SGCD: variants seen among roughly 807,000 people sequenced by gnomAD.
The protein encoded by SGCD is delta-sarcoglycan.
In SGCD, 18 loss-of-function variants were observed where a neutral mutation model predicts 36.6. That is an observed-to-expected ratio of 0.49 (90% confidence interval 0.34 to 0.73). The LOEUF (loss-of-function observed/expected upper bound fraction) is 0.73, where lower values mean the gene tolerates loss of function less well. Among genes scored for constraint, SGCD ranks in the 30% least tolerant of loss-of-function variants. The pLI, the probability that SGCD is intolerant of heterozygous loss-of-function variation, is 0.01. For synonymous variants in SGCD, 133 were observed against 130.6 expected, an observed-to-expected ratio of 1.02 and a Z score of -0.12; for missense variants, 387 against 346.7, an observed-to-expected ratio of 1.12 and a Z score of -0.92.
chr5:155,907,330 C>T (rs959023164), intron 1 of SGCD, among the ~76,000 whole-genome samples: 3 of 152,082 alleles, frequency 2.0e-5, no homozygotes, highest in Non-Finnish European at 2.9e-5. Flanking sequence ...CCTGCTAACA[C>T]AACATTAATT....
rs79595232 is a variant in SGCD at position 156,130,593 on chromosome 5, G to A, written c.-44+6574G>A. On this transcript the variant is annotated intron_variant, in intron 3 of 9. Coordinates refer to the SGCD transcript ENST00000517913. ...CTATGTCCAGAATGGTATTGCCTAA[G>A]TTGTATGACTCCATCTTTATTCCAG... is the stretch of plus-strand genomic sequence containing the variant. Among the ~76,000 whole-genome samples the A allele has an allele frequency of 8.7e-4, 133 of 152,224 alleles. 3 individuals are homozygous for A. The East Asian group carries it at 0.025, about 29-fold the overall frequency.
intron 3 of SGCD, among the ~76,000 whole-genome samples, chr5:156,410,045 A>T (rs1203713686): frequency 6.6e-6 from 1 of 152,216 alleles, no homozygotes; most frequent in East Asian, 1.9e-4. Context: ...TGATAGCTGA[A>T]TAATTTCAAT....
At chr5:156,406,793 T>TAC (rs1410785649) in intron 3 of SGCD, among the ~76,000 whole-genome samples, 1 of 69,460 alleles carries the variant, frequency 1.4e-5, no homozygotes, top group East Asian at 5.5e-4. Context: ...GGAGATTTTA[T>TAC]ATATATATAT....
chr5:156,287,153 G>A (rs1002417082), intron 3 of SGCD, among the ~76,000 whole-genome samples: 5 of 152,214 alleles, frequency 3.3e-5, no homozygotes, highest in East Asian at 3.9e-4. Context: ...TAGTACATGG[G>A]CTATTATAAT....
chr5:156,652,547 A>G (rs1425105556), intron 7 of SGCD, among the ~76,000 whole-genome samples: 2 of 152,090 alleles, frequency 1.3e-5, no homozygotes, highest in African/African-American at 4.8e-5. Flanking sequence ...GTTAACCAAG[A>G]GAGATAATTT....
At chr5:156,081,508 C>G (rs888544009) in intron 1 of SGCD, among the ~76,000 whole-genome samples, 3 of 152,178 alleles carry the variant, frequency 2.0e-5, no homozygotes, top group Non-Finnish European at 4.4e-5. Context: ...TTCCTCCTGC[C>G]TCAGCCTCCT....
At chr5:156,283,755 A>G (rs1271130216) in intron 3 of SGCD, among the ~76,000 whole-genome samples, 1 of 152,212 alleles carries the variant, frequency 6.6e-6, no homozygotes, top group Non-Finnish European at 1.5e-5. Context: ...ATCTGGGGTT[A>G]TGCCCAAGAA....
intron 1 of SGCD, among the ~76,000 whole-genome samples, chr5:156,040,818 G>C (rs918385167): frequency 2.0e-5 from 3 of 152,122 alleles, no homozygotes; most frequent in Non-Finnish European, 2.9e-5. Context: ...TTAGGGCTTT[G>C]AAAATCCTCT....
intron 1 of SGCD, among the ~76,000 whole-genome samples, chr5:155,901,647 A>G (rs2113339275): frequency 6.6e-6 from 1 of 152,078 alleles, no homozygotes; most frequent in African/African-American, 2.4e-5. Context: ...AAAAAAAGTT[A>G]CCTTTAGTTT....
chr5:156,023,420 A>G (rs1336721155), intron 1 of SGCD, among the ~76,000 whole-genome samples: 1 of 152,240 alleles, frequency 6.6e-6, no homozygotes, highest in Non-Finnish European at 1.5e-5. Context: ...GGGCTCTGAG[A>G]GTTCAGGAAC....
the SGCD span, among the ~76,000 whole-genome samples, chr5:155,809,506 T>C: frequency 6.6e-6 from 1 of 152,204 alleles, no homozygotes. Flanking sequence ...GGTAAGTGAA[T>C]GATCTTACTG....
intron 7 of SGCD, among the ~76,000 whole-genome samples, chr5:156,671,935 C>A (rs922525751): frequency 6.6e-6 from 1 of 152,092 alleles, no homozygotes; most frequent in Admixed American, 6.6e-5. Flanking sequence ...TTAAAACAAC[C>A]AGCTCCCATG....
intron 7 of SGCD, among the ~76,000 whole-genome samples, chr5:156,673,906 T>C (rs1304338830): frequency 6.6e-6 from 1 of 152,216 alleles, no homozygotes; most frequent in Non-Finnish European, 1.5e-5. Flanking sequence ...ATATTGACTG[T>C]GTACTGATTA....
chr5:156,765,427 C>A lies in SGCD; in HGVS notation c.*6037C>A, dbSNP rs1391391976. 2.0e-5 allele frequency: 3 copies of A among 152,138 alleles called. No homozygotes were observed. Among genetic ancestry groups the A allele is most frequent in the Non-Finnish European group, 4.4e-5 (3 of 68,034 alleles). The allele number at this position is 152,138 out of a possible 1,614,324, so 9.4% of individuals were successfully genotyped here. ...GGGGGCCATAGATTCTTTTGACAAT[C>A]TGAGCCAATCTATGAAACTTCTCCC... On this transcript the variant is annotated 3_prime_UTR_variant, in exon 9 of 9. Coordinates refer to ENST00000337851, the MANE Select transcript of SGCD (RefSeq NM_000337.6).
rs182654996 is a variant in SGCD at position 155,919,438 on chromosome 5, G to T, written c.-282+49014G>T. Among the ~76,000 whole-genome samples the T allele has an allele frequency of 4.1e-3, 618 of 152,270 alleles. 1 individual carries two copies. Among genetic ancestry groups the T allele is most frequent in the Middle Eastern group, 6.8e-3 (2 of 294 alleles). ...GAAAGAAACCTACTTAGTCATTCTAGTTCAGTCTTCCACCTACTTATTCCT... is the reference window on the plus strand; with the variant it reads ...GAAAGAAACCTACTTAGTCATTCTATTTCAGTCTTCCACCTACTTATTCCT... On this transcript the variant is annotated intron_variant, in intron 1 of 9. Transcript: ENST00000517913.
chr5:156,074,831 A>G (rs966989643), intron 1 of SGCD, among the ~76,000 whole-genome samples: 17 of 152,246 alleles, frequency 1.1e-4, no homozygotes, highest in African/African-American at 4.1e-4. Context: ...TGTGCTAACA[A>G]CAGTCACACT....
chr5:156,649,276 T>C (rs1763361230), intron 7 of SGCD, among the ~76,000 whole-genome samples: 1 of 152,108 alleles, frequency 6.6e-6, no homozygotes. Context: ...TTGTAAGCTA[T>C]TTCAACCATT....
intron 3 of SGCD, among the ~76,000 whole-genome samples, chr5:156,242,869 A>G (rs1765339707): frequency 6.6e-6 from 1 of 152,164 alleles, no homozygotes; most frequent in Non-Finnish European, 1.5e-5. Context: ...AGAATCCCAG[A>G]ACCTGAGAGG....
chr5:155,952,976 C>CA (rs1757575320), intron 1 of SGCD, among the ~76,000 whole-genome samples: 1 of 152,126 alleles, frequency 6.6e-6, no homozygotes, highest in South Asian at 2.1e-4. Flanking sequence ...AAATGCAGCT[C>CA]GACCTTTAGA....
Sources: gnomAD v4.1 joint callset for allele counts (sites outside exome capture counted in the v4.1 genomes callset) on GRCh38, gnomAD v4.1.1 for gene constraint, MANE v1.5 for transcripts, NCBI Gene and HGNC (gene_info 2026-07-23, HGNC 2026-07-21) for gene names.